MAST4: variants seen among roughly 807,000 people sequenced by gnomAD.
MAST4 encodes the protein microtubule-associated serine/threonine-protein kinase 4.
A neutral mutation model predicts 162.7 loss-of-function variants in MAST4; 89 were observed. That is an observed-to-expected ratio of 0.55 (90% confidence interval 0.46 to 0.65). The LOEUF (loss-of-function observed/expected upper bound fraction) is 0.65, where lower values mean the gene tolerates loss of function less well. Ranked by LOEUF, MAST4 falls within the 30% of genes least tolerant of loss-of-function variation. The pLI is 0.00. For missense variants in MAST4, 3,153 were observed against 3,374.0 expected (o/e 0.93, Z 1.62); for synonymous variants, 1,479 against 1,361.1 (o/e 1.09, Z -1.91).
intron 4 of MAST4, among the ~76,000 whole-genome samples, chr5:66,985,869 A>G (rs1389947428): frequency 1.3e-5 from 2 of 152,242 alleles, no homozygotes; most frequent in African/African-American, 4.8e-5. Flanking sequence ...CAACAAGGGA[A>G]ACCTGAGCTT....
chr5:66,850,171 T>G (rs1198973681), intron 3 of MAST4, among the ~76,000 whole-genome samples: 1 of 152,244 alleles, frequency 6.6e-6, no homozygotes, highest in East Asian at 1.9e-4. Context: ...AGCATTCTTT[T>G]GCCTCAACAG....
rs34504987 is a variant in MAST4 at position 66,821,823 on chromosome 5, A to C, written c.642+33029A>C. Among the ~76,000 whole-genome samples, 1,147 of 152,238 alleles carry C rather than the reference A, an allele frequency of 7.5e-3. 9 individuals carry two copies. Among genetic ancestry groups the C allele is most frequent in the South Asian group, 0.038 (183 of 4,820 alleles). ...GAGCATGTTCAGGGCAGGATCCTTG[A>C]AGCCAGGAAGGTAGCTGAGCAGCTG... On this transcript the variant is annotated intron_variant, in intron 3 of 28. Coordinates refer to ENST00000403625, the MANE Select transcript of MAST4 (RefSeq NM_001164664.2).
chr5:66,828,149 GT>G lies in MAST4; in HGVS notation c.642+39358del, dbSNP rs1309711524. Among the ~76,000 whole-genome samples the G allele has an allele frequency of 2.6e-5, 4 of 152,178 alleles. No homozygotes were observed. In the East Asian group the frequency reaches 7.7e-4, roughly 29 times the overall value. On this transcript the variant is annotated intron_variant, in intron 3 of 28. Coordinates refer to ENST00000403625, the MANE Select transcript of MAST4 (RefSeq NM_001164664.2). ...TTATTATCATGAGGGAAATTAAACT[GT>G]TTCTGTCTTTGAGCTAGTAGGAACT... is the stretch of plus-strand genomic sequence containing the variant.
chr5:66,774,229 T>C (rs1015679447), intron 2 of MAST4, among the ~76,000 whole-genome samples: 1 of 152,282 alleles, frequency 6.6e-6, no homozygotes, highest in Non-Finnish European at 1.5e-5. Flanking sequence ...AATTATTCTT[T>C]TGTTAAATAA....
In MAST4 at chr5:67,166,633, C is replaced by G; in HGVS notation, c.7454C>G (p.Ala2485Gly). The G allele has an allele frequency of 6.2e-7, 1 of 1,600,980 alleles. No individual in the cohort carries two copies. ...GCAGCCAGCAGCGACACCTCTTCTG[C>G]CAAGGCCGCCGGGGGCATGCTGGAG... is the stretch of plus-strand genomic sequence containing the variant. ...ASAASSDTSS[A>G]KAAGGMLELP... is the part of the protein sequence containing the mutation. Residue 2485 changes from alanine (A) to glycine (G), a missense_variant, in exon 29 of 29, where the codon GCC becomes GGC. Coordinates refer to ENST00000403625, the MANE Select transcript of MAST4 (RefSeq NM_001164664.2).
At chr5:66,824,414 T>C (rs1465874985) in intron 3 of MAST4, among the ~76,000 whole-genome samples, 1 of 152,178 alleles carries the variant, frequency 6.6e-6, no homozygotes, top group Non-Finnish European at 1.5e-5. Context: ...TCCTCTCCAC[T>C]GCCCTCCGAC....
chr5:66,788,607 C>CCCACCAAAAAAAAAA, intron 2 of MAST4, 63 bp from the exon 3 acceptor site: 5 of 1,373,726 alleles, frequency 3.6e-6, no homozygotes, highest in Non-Finnish European at 5.1e-6. Context: ...CCCCCACCCC[C>CCCACCAAAAAAAAAA]ATTGCAATAA....
At chr5:66,881,801 T>C (rs1015981632) in intron 3 of MAST4, among the ~76,000 whole-genome samples, 2 of 152,234 alleles carry the variant, frequency 1.3e-5, no homozygotes, top group African/African-American at 4.8e-5. Context: ...CCTTTACCTT[T>C]AGGGACTTCT....
At chr5:67,090,338 TC>T in intron 6 of MAST4, 107 bp downstream of exon 6, 1 of 431,602 alleles carries the variant, frequency 2.3e-6, no homozygotes, top group South Asian at 2.0e-5. Flanking sequence ...TCCCCACTTC[TC>T]CCCCTCCCCA....
intron 8 of MAST4, among the ~76,000 whole-genome samples, chr5:67,101,022 C>T (rs1263168911): frequency 6.6e-6 from 1 of 152,232 alleles, no homozygotes; most frequent in African/African-American, 2.4e-5. Context: ...TCTTACTTTT[C>T]TCTAAGACTG....
chr5:66,696,128 A>C (rs1749381424), intron 1 of MAST4, among the ~76,000 whole-genome samples: 1 of 152,094 alleles, frequency 6.6e-6, no homozygotes, highest in African/African-American at 2.4e-5. Flanking sequence ...GCATGTTCTC[A>C]CTTATAAGTG....
At chr5:66,823,786 T>G (rs1757108695) in intron 3 of MAST4, among the ~76,000 whole-genome samples, 2 of 152,180 alleles carry the variant, frequency 1.3e-5, no homozygotes, top group African/African-American at 4.8e-5. Context: ...TGAACCATGG[T>G]GCCCGGCCGG....
intron 4 of MAST4, among the ~76,000 whole-genome samples, chr5:66,990,480 T>C (rs1401215356): frequency 1.3e-5 from 2 of 152,068 alleles, no homozygotes; most frequent in East Asian, 3.9e-4. Flanking sequence ...CTACATAGAA[T>C]TTTTTAAAAT....
intron 4 of MAST4, chr5:66,959,139 T>A: frequency 2.7e-6 from 2 of 741,320 alleles, no homozygotes; most frequent in Non-Finnish European, 5.0e-6. Flanking sequence ...CTCGAGAGAG[T>A]GTTAGTCCAG....
chr5:66,919,918 TTCCTTCCTTCCTTCCTTCCTTCC>T (rs1764392540), intron 4 of MAST4, among the ~76,000 whole-genome samples: 1 of 21,498 alleles, frequency 4.7e-5, no homozygotes, highest in Non-Finnish European at 1.4e-4. Flanking sequence ...CCTTCCTTCC[TTCCTTCCTTCCTTCCTTCCTTCC>T]TTCCTTCCTT....
Position 66,899,962 on chromosome 5 carries a change from T to G in MAST4, c.654T>G (p.Ser218Arg). Residue 218 changes from serine (S) to arginine (R), a missense_variant, in exon 4 of 29, where the codon AGT (serine) becomes AGG (arginine). This residue lies in a region of MAST4 where 327 missense variants were observed against 336.5 expected (regional missense o/e 0.97). Coordinates refer to ENST00000403625, the MANE Select transcript of MAST4 (RefSeq NM_001164664.2). ...TTTTTCTTTTGCAGAAGGAGCTGAG[T>G]CTCCCCAGAAGAGGAAGTTTGTAAG... ...PSLTASLKEL[S>R]LPRRGSFCRT... The G allele has an allele frequency of 6.6e-7, 1 of 1,521,728 alleles. No homozygotes were observed. The highest frequency in any genetic ancestry group is 1.4e-5 in the African/African-American group (1 of 71,030). 94.3% of individuals were successfully genotyped at this position (1,521,728 alleles called of 1,614,324 possible).
At chr5:67,135,546 G>A (rs1248263150) in intron 18 of MAST4, among the ~76,000 whole-genome samples, 3 of 152,176 alleles carry the variant, frequency 2.0e-5, no homozygotes, top group Non-Finnish European at 4.4e-5. Context: ...CCTTTATCAC[G>A]GCATTCTTTT....
At chr5:67,077,605 C>T (rs369506644) in intron 5 of MAST4, among the ~76,000 whole-genome samples, 5 of 152,160 alleles carry the variant, frequency 3.3e-5, no homozygotes, top group South Asian at 2.1e-4. Flanking sequence ...TACAACTCCC[C>T]GTCCATAACA....
chr5:66,779,083 A>G (rs1178801944), intron 2 of MAST4, among the ~76,000 whole-genome samples: 1 of 152,222 alleles, frequency 6.6e-6, no homozygotes, highest in Non-Finnish European at 1.5e-5. Context: ...TTGTGTTGGC[A>G]TTCTATGTTA....
Sources: gnomAD v4.1 joint callset for allele counts (sites outside exome capture counted in the v4.1 genomes callset) on GRCh38, gnomAD v4.1.1 for gene constraint, gnomAD v4.1.1 regional missense constraint, MANE v1.5 for transcripts, NCBI Gene and HGNC (gene_info 2026-07-23, HGNC 2026-07-21) for gene names.